Variants in KLHL29 observed in about 807,000 individuals in gnomAD.
KLHL29 encodes kelch like family member 29.
KLHL29 carries 21 observed loss-of-function variants against 80.4 expected under a neutral mutation model. That is an observed-to-expected ratio of 0.26 (90% CI 0.19 to 0.38). KLHL29 has a LOEUF of 0.38. Ranked by LOEUF, KLHL29 falls within the 10% of genes least tolerant of loss-of-function variation. The probability of loss-of-function intolerance (pLI) is 1.00; values close to 1 mark genes in which losing one functional copy is unlikely to be tolerated. For missense variants in KLHL29, 867 were observed against 1,223.9 expected (o/e 0.71, Z 4.35); for synonymous variants, 511 against 526.8 (o/e 0.97, Z 0.41).
intron 5 of KLHL29, among the ~76,000 whole-genome samples, chr2:23,676,029 A>G (rs1006336957): frequency 6.6e-6 from 1 of 152,212 alleles, no homozygotes; most frequent in African/African-American, 2.4e-5. Context: ...AGAAGATCAC[A>G]AATTAGAAAG....
chr2:23,530,573 G>A lies in KLHL29; in HGVS notation c.-45-31579G>A, dbSNP rs535773664. On this transcript the variant is annotated intron_variant, in intron 2 of 13. Transcript: ENST00000486442. Reference sequence around the variant, plus strand: ...GAATTGTTCACACTGCACAACCCGCGCCTCCTGATGAATACTAGCATTTTG... The same window carrying A: ...GAATTGTTCACACTGCACAACCCGCACCTCCTGATGAATACTAGCATTTTG... Among the ~76,000 whole-genome samples the A allele has an allele frequency of 2.6e-5, 4 of 152,274 alleles. No homozygotes were observed. The South Asian group carries it at 8.3e-4, about 32-fold the overall frequency.
Position 23,526,407 on chromosome 2 carries a change from C to T in KLHL29, c.-45-35745C>T, listed in dbSNP as rs567368677. Among the ~76,000 whole-genome samples the T allele has an allele frequency of 1.7e-4, 26 of 152,330 alleles. No individual in the cohort carries two copies. In the South Asian group the frequency reaches 4.3e-3, roughly 25 times the overall value. On this transcript the variant is annotated intron_variant, in intron 2 of 13. Transcript: ENST00000486442. ...GGACAGCCCATGCGTGACTAAGGAA[C>T]GCCGAGGAGGCACGAGGCTGGTGCA...
rs57704138 is a variant in KLHL29 at position 23,412,128 on chromosome 2, G to T, written c.-154+26348G>T. On this transcript the variant is annotated intron_variant, in intron 1 of 13. Coordinates refer to ENST00000486442, the MANE Select transcript of KLHL29 (RefSeq NM_052920.2). ...CAAAAATGTGTGTGCGTGAAGGGGG[G>T]GGGGGGGCGGTGCGGTAGAGGTAGG... is the stretch of plus-strand genomic sequence containing the variant. 4.1e-5 allele frequency among the ~76,000 whole-genome samples: 6 copies of T among 148,050 alleles called. 1 individual carries two copies. Among genetic ancestry groups the T allele is most frequent in the Non-Finnish European group, 9.0e-5 (6 of 66,864 alleles).
intron 1 of KLHL29, among the ~76,000 whole-genome samples, chr2:23,420,256 T>A (rs990979907): frequency 6.6e-6 from 1 of 152,166 alleles, no homozygotes; most frequent in African/African-American, 2.4e-5. Flanking sequence ...CTCGCCCACC[T>A]TGTGGCCGTC....
chr2:23,526,747 A>G (rs1035224871), intron 2 of KLHL29, among the ~76,000 whole-genome samples: 2 of 152,156 alleles, frequency 1.3e-5, no homozygotes, highest in Non-Finnish European at 2.9e-5. Flanking sequence ...CCAAGAGCCC[A>G]TTGTTAACGT....
intron 3 of KLHL29, among the ~76,000 whole-genome samples, chr2:23,602,364 G>A (rs1211269464): frequency 1.3e-5 from 2 of 152,150 alleles, no homozygotes; most frequent in Non-Finnish European, 1.5e-5. Context: ...CACTGGCTGC[G>A]GCTCCTGCAC....
At chr2:23,698,118 T>C (rs1672092106) in intron 11 of KLHL29, among the ~76,000 whole-genome samples, 1 of 152,156 alleles carries the variant, frequency 6.6e-6, no homozygotes, top group African/African-American at 2.4e-5. Flanking sequence ...AGACCAGGGG[T>C]TGCCTGTATG....
At chr2:23,554,654 T>C (rs1055781343) in intron 2 of KLHL29, among the ~76,000 whole-genome samples, 1 of 152,168 alleles carries the variant, frequency 6.6e-6, no homozygotes, top group African/African-American at 2.4e-5. Flanking sequence ...ATCCCGCCCA[T>C]GAGCTCAGGT....
intron 1 of KLHL29, among the ~76,000 whole-genome samples, chr2:23,466,585 C>T (rs1004782206): frequency 2.6e-5 from 4 of 152,078 alleles, no homozygotes; most frequent in Non-Finnish European, 5.9e-5. Flanking sequence ...TGTGTGGGCC[C>T]GAGATGGAGA....
At chr2:23,528,632 A>C (rs528799771) in intron 2 of KLHL29, among the ~76,000 whole-genome samples, 1 of 152,356 alleles carries the variant, frequency 6.6e-6, no homozygotes, top group Non-Finnish European at 1.5e-5. Flanking sequence ...TCCTTTGATC[A>C]ATAAAGCAGG....
At chr2:23,551,362 A>G (rs1199822532) in intron 2 of KLHL29, among the ~76,000 whole-genome samples, 1 of 152,216 alleles carries the variant, frequency 6.6e-6, no homozygotes, top group Non-Finnish European at 1.5e-5. Flanking sequence ...AAAAATCACT[A>G]CATCAAAACC....
chr2:23,556,039 G>T (rs1667282790), intron 2 of KLHL29, among the ~76,000 whole-genome samples: 1 of 152,240 alleles, frequency 6.6e-6, no homozygotes, highest in Admixed American at 6.5e-5. Context: ...AAGTGCTTCT[G>T]CCTGTCAGGA....
chr2:23,416,898 C>T (rs1666992366), intron 1 of KLHL29, among the ~76,000 whole-genome samples: 1 of 152,186 alleles, frequency 6.6e-6, no homozygotes, highest in African/African-American at 2.4e-5. Context: ...CCCATAACAC[C>T]AGCTCACTAA....
chr2:23,579,043 C>T (rs1037791614), intron 3 of KLHL29, among the ~76,000 whole-genome samples: 3 of 152,202 alleles, frequency 2.0e-5, no homozygotes, highest in Admixed American at 1.3e-4. Flanking sequence ...TCCTGGACTC[C>T]GGCTCCCGTT....
Position 23,696,202 on chromosome 2 carries a change from G to T in KLHL29, c.1924+69G>T. ...CAAGGGGACTGCTCCCCACGTCAGG[G>T]CTGAGGAAGGCCATGGCCCAGAAGT... On this transcript the variant is annotated intron_variant, in intron 10 of 13. Transcript: ENST00000486442. The surrounding 1 kb of genome is among the most constrained non-coding windows in gnomAD (Gnocchi z 5.5). The T allele has an allele frequency of 6.7e-7, 1 of 1,502,694 alleles. No homozygotes were observed. The highest frequency in any genetic ancestry group is 9.0e-7 in the Non-Finnish European group (1 of 1,112,446). The allele number at this position is 1,502,694 out of a possible 1,614,324, so 93.1% of individuals were successfully genotyped here.
chr2:23,703,516 C>G (rs1311567514), intron 12 of KLHL29, 137 bp downstream of exon 12: 5 of 1,068,266 alleles, frequency 4.7e-6, no homozygotes, highest in Admixed American at 5.9e-5. Flanking sequence ...GCAGGAGTTG[C>G]CGAGCCCCCA....
At chr2:23,660,828 T>C (rs1409498112) in intron 5 of KLHL29, among the ~76,000 whole-genome samples, 2 of 148,694 alleles carry the variant, frequency 1.3e-5, no homozygotes, top group Admixed American at 1.3e-4. Flanking sequence ...GAGTTCAAGG[T>C]CAGCCTGGCC....
chr2:23,476,915 CAG>C (rs1664656570), intron 2 of KLHL29, among the ~76,000 whole-genome samples: 1 of 152,242 alleles, frequency 6.6e-6, no homozygotes, highest in Admixed American at 6.5e-5. Context: ...AATGTGCCTG[CAG>C]AGGCAAGGAG....
chr2:23,504,205 CAAAA>C (rs977188989), intron 2 of KLHL29, among the ~76,000 whole-genome samples: 11 of 151,510 alleles, frequency 7.3e-5, no homozygotes, highest in Admixed American at 7.2e-4. Context: ...TGTGCTCAAG[CAAAA>C]AAAATTATTA....
Sources: allele counts gnomAD v4.1 joint callset (sites outside exome capture counted in the v4.1 genomes callset), GRCh38; gene constraint gnomAD v4.1.1; non-coding constraint Gnocchi (gnomAD v3.1); transcripts MANE v1.5; gene names NCBI Gene and HGNC (gene_info 2026-07-23, HGNC 2026-07-21).